FUT8: variants seen among roughly 807,000 people sequenced by gnomAD.
FUT8 encodes fucosyltransferase 8, also known as alpha-(1,6)-fucosyltransferase.
In FUT8, 29 loss-of-function variants were observed where a neutral mutation model predicts 71.3. That is an observed-to-expected ratio of 0.41 (90% CI 0.30 to 0.55). The LOEUF is 0.55. Ranked by LOEUF, FUT8 falls within the 20% of genes least tolerant of loss-of-function variation. The probability of loss-of-function intolerance (pLI) is 0.34; values close to 1 mark genes in which losing one functional copy is unlikely to be tolerated. For missense variants in FUT8, 544 were observed against 702.1 expected, an observed-to-expected ratio of 0.77 and a Z score of 2.55; for synonymous variants, 254 against 239.3, an observed-to-expected ratio of 1.06 and a Z score of -0.57.
the FUT8 span, among the ~76,000 whole-genome samples, chr14:65,400,623 C>T: frequency 1.3e-5 from 2 of 152,210 alleles, no homozygotes; most frequent in African/African-American, 2.4e-5. Context: ...TGGTGGCTCA[C>T]ACCTATAATC....
chr14:65,632,135 G>A (rs1456308781), intron 6 of FUT8, among the ~76,000 whole-genome samples: 2 of 152,118 alleles, frequency 1.3e-5, no homozygotes, highest in Non-Finnish European at 2.9e-5. Context: ...TGATTGACGG[G>A]CATTTGGGTT....
At chr14:65,559,344 TA>T (rs1215120055) in intron 2 of FUT8, among the ~76,000 whole-genome samples, 2 of 152,138 alleles carry the variant, frequency 1.3e-5, no homozygotes, top group Non-Finnish European at 2.9e-5. Context: ...TGCCAAAAAA[TA>T]CCCCCAAAAT....
Position 65,586,915 on chromosome 14 carries a change from G to A in FUT8, c.203+25149G>A, listed in dbSNP as rs952288249. 1.2e-4 allele frequency among the ~76,000 whole-genome samples: 19 copies of A among 152,110 alleles called. 1 individual carries two copies. Among genetic ancestry groups the A allele is most frequent in the African/African-American group, 4.6e-4 (19 of 41,416 alleles). On this transcript the variant is annotated intron_variant, in intron 3 of 10. Transcript: ENST00000673929. ...TTCTTTTAAAGAGTATGTGCTGGGC[G>A]CTGTGGCTCACGCCTGTAATCCCAG...
At chr14:65,613,805 G>C (rs1339216538) in intron 3 of FUT8, among the ~76,000 whole-genome samples, 2 of 152,082 alleles carry the variant, frequency 1.3e-5, no homozygotes, top group African/African-American at 2.4e-5. Context: ...TTTCGTATCA[G>C]AGTGTTTGCC....
At chr14:65,711,041 G>T (rs1308692142) in intron 7 of FUT8, among the ~76,000 whole-genome samples, 2 of 152,096 alleles carry the variant, frequency 1.3e-5, no homozygotes, top group African/African-American at 2.4e-5. Context: ...TTTCATGAGG[G>T]ATCTGCCCCT....
At chr14:65,372,170 A>G in the FUT8 span, among the ~76,000 whole-genome samples, 1 of 151,410 alleles carries the variant, frequency 6.6e-6, no homozygotes, top group Non-Finnish European at 1.5e-5. Context: ...CTCCTCCCCT[A>G]CACAAATTCT....
chr14:65,391,912 GTGTC>G, the FUT8 span, among the ~76,000 whole-genome samples: 2 of 152,210 alleles, frequency 1.3e-5, no homozygotes, highest in African/African-American at 4.8e-5. Context: ...GTGAGACACT[GTGTC>G]TGGCCAGCTA....
chr14:65,605,411 C>T (rs1006438893), intron 3 of FUT8, among the ~76,000 whole-genome samples: 1 of 151,870 alleles, frequency 6.6e-6, no homozygotes, highest in East Asian at 1.9e-4. Flanking sequence ...TGGAGATAGT[C>T]CCTTTAAAGA....
chr14:65,470,984 C>G, intron 2 of FUT8: 1 of 411,132 alleles, frequency 2.4e-6, no homozygotes, highest in Non-Finnish European at 4.7e-6. Flanking sequence ...ACTGTCCTTG[C>G]TTTTATCTGC....
At chr14:65,478,498 A>AT (rs929211715) in intron 2 of FUT8, among the ~76,000 whole-genome samples, 63 of 151,628 alleles carry the variant, frequency 4.2e-4, no homozygotes, top group Non-Finnish European at 6.0e-4. Flanking sequence ...CTTAAGTGTG[A>AT]TTTTTTTTTC....
intron 3 of FUT8, among the ~76,000 whole-genome samples, chr14:65,605,993 T>C (rs1888563781): frequency 1.3e-5 from 2 of 151,862 alleles, no homozygotes; most frequent in South Asian, 2.1e-4. Context: ...TATATAATAA[T>C]CCTACATTAA....
At chr14:65,478,116 TTCTTTAAAG>T (rs2066275465) in intron 2 of FUT8, among the ~76,000 whole-genome samples, 1 of 152,178 alleles carries the variant, frequency 6.6e-6, no homozygotes, top group Non-Finnish European at 1.5e-5. Flanking sequence ...GGACATACTC[TTCTTTAAAG>T]AGAGCGTTCC....
At chr14:65,457,327 A>G (rs2065907234) in intron 2 of FUT8, among the ~76,000 whole-genome samples, 1 of 152,208 alleles carries the variant, frequency 6.6e-6, no homozygotes, top group Admixed American at 6.5e-5. Context: ...TTTAACAGAC[A>G]TTGTGGCTAG....
At chr14:65,571,299 G>C (rs577266077) in intron 3 of FUT8, among the ~76,000 whole-genome samples, 3 of 152,234 alleles carry the variant, frequency 2.0e-5, no homozygotes, top group African/African-American at 4.8e-5. Flanking sequence ...GTTGGAAAGT[G>C]AGTCTAGAAC....
chr14:65,664,380 G>T (rs1324645581), intron 6 of FUT8, among the ~76,000 whole-genome samples: 2 of 152,142 alleles, frequency 1.3e-5, no homozygotes, highest in African/African-American at 4.8e-5. Flanking sequence ...AGCAACAAGT[G>T]TGAGAATGCT....
the FUT8 span, among the ~76,000 whole-genome samples, chr14:65,378,370 G>A: frequency 6.6e-6 from 1 of 152,140 alleles, no homozygotes; most frequent in Non-Finnish European, 1.5e-5. Context: ...CTACAATAAA[G>A]CCAAATGTGT....
At chr14:65,716,186 T>C (rs939300272) in intron 7 of FUT8, among the ~76,000 whole-genome samples, 1 of 152,166 alleles carries the variant, frequency 6.6e-6, no homozygotes, top group African/African-American at 2.4e-5. Flanking sequence ...CCTTTGTTGA[T>C]TTTCTGTCTG....
intron 2 of FUT8, among the ~76,000 whole-genome samples, chr14:65,546,474 A>C (rs1418048895): frequency 1.3e-5 from 2 of 151,686 alleles, no homozygotes. Flanking sequence ...TTTGAGATTT[A>C]ACCATATTGT....
chr14:65,386,231 C>T, the FUT8 span, among the ~76,000 whole-genome samples: 151 of 151,896 alleles, frequency 9.9e-4, 1 homozygote, highest in African/African-American at 3.5e-3. Flanking sequence ...TTCTTGAACC[C>T]AGGAAGTGGA....
Sources: gnomAD v4.1 joint callset for allele counts (sites outside exome capture counted in the v4.1 genomes callset) on GRCh38, gnomAD v4.1.1 for gene constraint, MANE v1.5 for transcripts, NCBI Gene and HGNC (gene_info 2026-07-23, HGNC 2026-07-21) for gene names.